The following TTC39B variants were observed in gnomAD, a reference collection of about 807,000 sequenced individuals.
TTC39B encodes tetratricopeptide repeat domain 39B.
In TTC39B, 92 loss-of-function variants were observed where a neutral mutation model predicts 96.6. The ratio of observed to expected loss-of-function variants is 0.95; its 90% CI spans 0.80 to 1.13. The LOEUF (loss-of-function observed/expected upper bound fraction) is 1.13. Ranked by LOEUF, TTC39B falls within the 50% of genes most tolerant of loss-of-function variation. The pLI is 0.00. For missense variants in TTC39B, 955 were observed against 809.3 expected, an observed-to-expected ratio of 1.18 and a Z score of -2.18; for synonymous variants, 367 against 299.4, an observed-to-expected ratio of 1.23 and a Z score of -2.33.
At chr9:15,280,959 T>A (rs535636397) in intron 1 of TTC39B, among the ~76,000 whole-genome samples, 1 of 152,288 alleles carries the variant, frequency 6.6e-6, no homozygotes, top group South Asian at 2.1e-4. Context: ...GTTGAAAAGA[T>A]GAAAACAATG....
At chr9:15,268,071 C>A in intron 1 of TTC39B, 123 bp from the exon 2 acceptor site, 1 of 714,424 alleles carries the variant, frequency 1.4e-6, no homozygotes, top group South Asian at 2.0e-5. Flanking sequence ...GTATAGCAGG[C>A]AGTAGAATCA....
intron 1 of TTC39B, among the ~76,000 whole-genome samples, chr9:15,289,960 A>G (rs1192647542): frequency 6.6e-6 from 1 of 152,146 alleles, no homozygotes; most frequent in East Asian, 1.9e-4. Flanking sequence ...TGTGAGAGCC[A>G]AAGCCAAACA....
chr9:15,190,233 C>T (rs903657952), intron 11 of TTC39B, among the ~76,000 whole-genome samples: 3 of 152,026 alleles, frequency 2.0e-5, no homozygotes, highest in Non-Finnish European at 4.4e-5. Flanking sequence ...CTATTTTCTA[C>T]CTTTATTCAA....
At chr9:15,181,840 C>T (rs947116919) in intron 17 of TTC39B, among the ~76,000 whole-genome samples, 1 of 152,138 alleles carries the variant, frequency 6.6e-6, no homozygotes, top group East Asian at 1.9e-4. Flanking sequence ...AGTTCACATG[C>T]CATACAATTC....
rs557148968 is a variant in TTC39B, at chr9:15,179,976, A to G, written c.1724-2162T>C. 2.0e-5 allele frequency among the ~76,000 whole-genome samples: 3 copies of G among 152,372 alleles called. No homozygotes were observed. In the East Asian group the frequency reaches 5.8e-4, roughly 29 times the overall value. On this transcript the variant is annotated intron_variant, in intron 17 of 19. Transcript: ENST00000512701. ...GCAGATGATTATTTTCCCTTGAAGT[A>G]TAAATGCTTTGTCATGATTTTCAAC...
chr9:15,276,549 T>C (rs974348269), intron 1 of TTC39B, among the ~76,000 whole-genome samples: 1 of 152,190 alleles, frequency 6.6e-6, no homozygotes, highest in Non-Finnish European at 1.5e-5. Flanking sequence ...GTCCACATAG[T>C]CACAATACAA....
intron 2 of TTC39B, among the ~76,000 whole-genome samples, chr9:15,239,270 T>C (rs546552787): frequency 1.3e-5 from 2 of 152,254 alleles, no homozygotes; most frequent in South Asian, 2.1e-4. Context: ...AAACAACAGA[T>C]GTTGGATTGC....
At chr9:15,228,082 C>T (rs1821223928) in intron 2 of TTC39B, among the ~76,000 whole-genome samples, 1 of 151,996 alleles carries the variant, frequency 6.6e-6, no homozygotes, top group Admixed American at 6.6e-5. Flanking sequence ...CACATCTTTT[C>T]CCCCAATGAT....
intron 1 of TTC39B, among the ~76,000 whole-genome samples, chr9:15,297,787 C>A (rs954088050): frequency 1.3e-5 from 2 of 152,104 alleles, no homozygotes; most frequent in African/African-American, 4.8e-5. Context: ...TGCTCCCCAC[C>A]ACTCCTCACT....
intron 1 of TTC39B, among the ~76,000 whole-genome samples, chr9:15,292,432 T>G (rs1824221726): frequency 6.6e-6 from 1 of 152,232 alleles, no homozygotes; most frequent in Non-Finnish European, 1.5e-5. Context: ...CAATTATGTA[T>G]AGTACAGAAC....
intron 6 of TTC39B, among the ~76,000 whole-genome samples, chr9:15,204,415 G>A (rs1819726817): frequency 6.6e-6 from 1 of 152,124 alleles, no homozygotes; most frequent in East Asian, 1.9e-4. Flanking sequence ...TGTAATCCCA[G>A]CTATTCGGGA....
intron 2 of TTC39B, among the ~76,000 whole-genome samples, chr9:15,256,915 T>C (rs1210533442): frequency 6.6e-6 from 1 of 152,142 alleles, no homozygotes. Context: ...TCTTCAGCTT[T>C]AGACAGGAAA....
intron 3 of TTC39B, 52 bp downstream of exon 3, chr9:15,225,865 G>A (rs1821092442): frequency 1.3e-6 from 2 of 1,513,334 alleles, no homozygotes; most frequent in Non-Finnish European, 1.8e-6. Context: ...TTCCTTCAAG[G>A]GTGGGACTGT....
chr9:15,192,638 G>C, exon 9 of TTC39B: 1 of 1,614,104 alleles, frequency 6.2e-7, no homozygotes. Context: ...CAAACTCATA[G>C]AAGAATTCCT....
In TTC39B at chr9:15,177,822, C is replaced by CA. The variant is rs760394157; in HGVS notation, c.1724-9dup. On this transcript the variant is annotated splice_polypyrimidine_tract_variant and intron_variant, in intron 17 of 19. Transcript: ENST00000512701. ...CAGAGAAGCTGTTAAAATCTTAAAA[C>CA]AAAAAACATACAAAGAAAACACACA... 7.4e-7 allele frequency: 1 copy of CA among 1,348,190 alleles called. No homozygotes were observed. The highest frequency in any genetic ancestry group is 1.0e-6 in the Non-Finnish European group (1 of 975,014). 83.5% of individuals were successfully genotyped at this position (1,348,190 alleles called of 1,614,324 possible).
intron 13 of TTC39B, 60 bp downstream of exon 13, chr9:15,189,514 A>C: frequency 6.4e-7 from 1 of 1,567,840 alleles, no homozygotes; most frequent in South Asian, 1.1e-5. Context: ...GGTCACAGCG[A>C]CTCATGTAGG....
At chr9:15,223,324 A>C (rs1820949862) in intron 3 of TTC39B, among the ~76,000 whole-genome samples, 1 of 152,234 alleles carries the variant, frequency 6.6e-6, no homozygotes, top group Non-Finnish European at 1.5e-5. Flanking sequence ...TGAGTTTCTT[A>C]AAGGTGCACC....
chr9:15,195,008 A>G (rs1340735044), intron 8 of TTC39B, among the ~76,000 whole-genome samples: 1 of 152,232 alleles, frequency 6.6e-6, no homozygotes. Flanking sequence ...AAAAACTAGA[A>G]ATAATTAAGC....
rs375850866 is a variant in TTC39B at position 15,216,060 on chromosome 9, C to CTCAA, written c.372-1815_372-1812dup. 6.9e-3 allele frequency among the ~76,000 whole-genome samples: 1,045 copies of CTCAA among 152,270 alleles called. 12 individuals are homozygous for CTCAA. The highest frequency in any genetic ancestry group is 0.024 in the African/African-American group (984 of 41,548). On this transcript the variant is annotated intron_variant, in intron 3 of 19. Transcript: ENST00000512701. Reference sequence around the variant, plus strand: ...GAACCCCTCTCTCCTCGCAGGTCTTCTCAAGGCTCCTTCTTGTTATTCAGA... The same window carrying CTCAA: ...GAACCCCTCTCTCCTCGCAGGTCTTCTCAATCAAGGCTCCTTCTTGTTATTCAGA...
Sources: gnomAD v4.1 joint callset for allele counts (sites outside exome capture counted in the v4.1 genomes callset) on GRCh38, gnomAD v4.1.1 for gene constraint, MANE v1.5 for transcripts, NCBI Gene and HGNC (gene_info 2026-07-23, HGNC 2026-07-21) for gene names.